Variants in TMEM132D observed in about 807,000 individuals in gnomAD.
TMEM132D encodes the protein mature OL transmembrane protein.
TMEM132D carries 21 observed loss-of-function variants against 62.3 expected under a neutral mutation model. The ratio of observed to expected loss-of-function variants is 0.34; its 90% CI spans 0.24 to 0.49. The LOEUF is 0.49. Ranked by LOEUF, TMEM132D falls within the 20% of genes least tolerant of loss-of-function variation. TMEM132D has a pLI of 0.99. For missense variants in TMEM132D, 1,346 were observed against 1,402.8 expected (o/e 0.96, Z 0.65); for synonymous variants, 621 against 575.6 (o/e 1.08, Z -1.13).
chr12:129,680,920 C>A (rs1441761490), intron 2 of TMEM132D, among the ~76,000 whole-genome samples: 1 of 152,182 alleles, frequency 6.6e-6, no homozygotes, highest in Non-Finnish European at 1.5e-5. Context: ...GGTGGAGGAA[C>A]AATTTGGCAT....
intron 2 of TMEM132D, among the ~76,000 whole-genome samples, chr12:129,676,189 A>T (rs1398638998): frequency 6.6e-6 from 1 of 152,150 alleles, no homozygotes. Context: ...CTCTAGCAAA[A>T]AATAAACCAC....
At chr12:129,498,249 CTTTTATTTG>C (rs762975608) in intron 3 of TMEM132D, among the ~76,000 whole-genome samples, 1 of 151,290 alleles carries the variant, frequency 6.6e-6, no homozygotes, top group Non-Finnish European at 1.5e-5. Flanking sequence ...TGTCCAAAAT[CTTTTATTTG>C]TTTGTTTGTT....
intron 3 of TMEM132D, among the ~76,000 whole-genome samples, chr12:129,456,640 T>C (rs1023135116): frequency 4.6e-5 from 7 of 152,168 alleles, no homozygotes; most frequent in Non-Finnish European, 1.0e-4. Flanking sequence ...CACCAAGCCA[T>C]AGGTAACCAT....
chr12:129,715,204 G>T (rs1198627916), intron 1 of TMEM132D, among the ~76,000 whole-genome samples: 1 of 152,150 alleles, frequency 6.6e-6, no homozygotes, highest in African/African-American at 2.4e-5. Context: ...CTGAACAAAT[G>T]TAAGAGAGAC....
intron 1 of TMEM132D, among the ~76,000 whole-genome samples, chr12:129,803,399 A>T (rs1380333872): frequency 6.6e-6 from 1 of 152,092 alleles, no homozygotes; most frequent in Non-Finnish European, 1.5e-5. Flanking sequence ...TCAAAACTGC[A>T]CAACTACATG....
chr12:129,656,477 T>C lies in TMEM132D; in HGVS notation c.968+43333A>G, dbSNP rs534868507. 5.9e-5 allele frequency among the ~76,000 whole-genome samples: 9 copies of C among 152,284 alleles called. No homozygotes were observed. The East Asian group carries it at 1.7e-3, about 30-fold the overall frequency. On this transcript the variant is annotated intron_variant, in intron 2 of 8. Transcript: ENST00000422113. ...CAGGAGTCAAGGCATTTAAAGCCCTTGTCTCAGGACACAGAGCTCGCTGGT... is the reference window on the plus strand; with the variant it reads ...CAGGAGTCAAGGCATTTAAAGCCCTCGTCTCAGGACACAGAGCTCGCTGGT...
chr12:129,647,570 A>G (rs1199312271), intron 2 of TMEM132D, among the ~76,000 whole-genome samples: 1 of 152,194 alleles, frequency 6.6e-6, no homozygotes, highest in Non-Finnish European at 1.5e-5. Context: ...CCACGTGCAG[A>G]GTAGGAGAGT....
chr12:129,306,236 C>T (rs1881843398), intron 4 of TMEM132D, among the ~76,000 whole-genome samples: 1 of 152,188 alleles, frequency 6.6e-6, no homozygotes, highest in African/African-American at 2.4e-5. Context: ...TCTATTTTCA[C>T]AACATCCATG....
At position 129,277,666 on chromosome 12, in the gene TMEM132D, C is replaced by T. The variant is rs763767428; in HGVS notation, c.1299+59968G>A. 1.2e-4 allele frequency among the ~76,000 whole-genome samples: 18 copies of T among 152,176 alleles called. No homozygotes were observed. The highest frequency in any genetic ancestry group is 2.6e-4 in the Non-Finnish European group (18 of 68,034). ...TGAAAGTTAGAAACAAATTTAGTATCTCAATTTTTTAAATTGCCCGTATTG... is the reference window on the plus strand; with the variant it reads ...TGAAAGTTAGAAACAAATTTAGTATTTCAATTTTTTAAATTGCCCGTATTG... On this transcript the variant is annotated intron_variant, in intron 4 of 8. Coordinates refer to ENST00000422113, the MANE Select transcript of TMEM132D (RefSeq NM_133448.3). The surrounding 1 kb of genome is among the most constrained non-coding windows in gnomAD (Gnocchi z 4.2).
At chr12:129,384,229 A>G (rs2135689217) in intron 3 of TMEM132D, among the ~76,000 whole-genome samples, 1 of 152,376 alleles carries the variant, frequency 6.6e-6, no homozygotes, top group South Asian at 2.1e-4. Flanking sequence ...CATTTAAAAG[A>G]GCTTATTGAA....
intron 2 of TMEM132D, among the ~76,000 whole-genome samples, chr12:129,664,570 A>G (rs1593111250): frequency 6.6e-6 from 1 of 151,374 alleles, no homozygotes; most frequent in Non-Finnish European, 1.5e-5. Flanking sequence ...GACTACAGGC[A>G]CCCGCCACCA....
At chr12:129,616,916 A>G (rs1311200689) in intron 2 of TMEM132D, among the ~76,000 whole-genome samples, 2 of 152,292 alleles carry the variant, frequency 1.3e-5, no homozygotes, top group East Asian at 1.9e-4. Context: ...GTAGACAAGG[A>G]GATGAAGAAC....
chr12:129,614,898 T>G (rs1878873688), intron 2 of TMEM132D, among the ~76,000 whole-genome samples: 1 of 152,128 alleles, frequency 6.6e-6, no homozygotes, highest in Non-Finnish European at 1.5e-5. Context: ...ACTAAATACC[T>G]CTCTTTGCCC....
chr12:129,114,385 ACTCCTTCCTTCCTTCCCTCCTTCC>A (rs967002834), intron 5 of TMEM132D, among the ~76,000 whole-genome samples: 13 of 140,320 alleles, frequency 9.3e-5, no homozygotes, highest in African/African-American at 3.2e-4. Context: ...ACAGTTGGAA[ACTCCTTCCTTCCTTCCCTCCTTCC>A]CTCCTTCCCT....
chr12:129,229,196 G>A (rs532104309), intron 4 of TMEM132D, among the ~76,000 whole-genome samples: 1 of 152,318 alleles, frequency 6.6e-6, no homozygotes, highest in African/African-American at 2.4e-5. Context: ...AGCTTCGGGT[G>A]TAACTTTTTA....
chr12:129,768,364 T>A (rs1870623224), intron 1 of TMEM132D, among the ~76,000 whole-genome samples: 1 of 152,078 alleles, frequency 6.6e-6, no homozygotes, highest in South Asian at 2.1e-4. Flanking sequence ...TGTCATCACA[T>A]GTTCTCTTTT....
At chr12:129,364,715 C>G (rs982441282) in intron 3 of TMEM132D, among the ~76,000 whole-genome samples, 1 of 152,174 alleles carries the variant, frequency 6.6e-6, no homozygotes, top group Non-Finnish European at 1.5e-5. Flanking sequence ...GAAGAAGGTG[C>G]ATTCATTCCA....
chr12:129,899,921 A>G (rs1488869653), intron 1 of TMEM132D, among the ~76,000 whole-genome samples: 1 of 150,984 alleles, frequency 6.6e-6, no homozygotes, highest in Non-Finnish European at 1.5e-5. Context: ...CTCTCCCAAA[A>G]AGTTCCTGAC....
intron 1 of TMEM132D, among the ~76,000 whole-genome samples, chr12:129,873,868 G>A (rs11060597): frequency 0.011 from 1,703 of 152,230 alleles, 31 homozygotes; most frequent in African/African-American, 0.038. Flanking sequence ...TTCATGAGAC[G>A]ATAAATTTTA....
Sources: gnomAD v4.1 joint callset for allele counts (sites outside exome capture counted in the v4.1 genomes callset) on GRCh38, gnomAD v4.1.1 for gene constraint, Gnocchi (gnomAD v3.1) non-coding constraint, MANE v1.5 for transcripts, NCBI Gene and HGNC (gene_info 2026-07-23, HGNC 2026-07-21) for gene names.